Variants in ANO10 observed in about 807,000 individuals in gnomAD.
The protein encoded by ANO10 is anoctamin 10.
ANO10 carries 77 observed loss-of-function variants against 74.7 expected under a neutral mutation model. That is an observed-to-expected ratio of 1.03 (90% CI 0.86 to 1.25). The LOEUF (loss-of-function observed/expected upper bound fraction) is 1.25. Among genes scored for constraint, ANO10 ranks in the 50% most tolerant of loss-of-function variants. The pLI, the probability that ANO10 is intolerant of heterozygous loss-of-function variation, is 0.00. For missense variants in ANO10, 721 were observed against 778.1 expected (o/e 0.93, Z 0.87); for synonymous variants, 279 against 284.9 (o/e 0.98, Z 0.21).
rs2091419897 is a variant in ANO10, at chr3:43,366,643, T to C, written c.*263A>G. The C allele has an allele frequency of 3.6e-6, 2 of 553,854 alleles. No homozygotes were observed. The highest frequency in any genetic ancestry group is 6.3e-5 in the East Asian group (2 of 31,656). 34.3% of individuals were successfully genotyped at this position (553,854 alleles called of 1,614,324 possible). A position where few individuals can be genotyped will look rare whatever the true frequency, so the allele number is the denominator to read the frequency against. On this transcript the variant is annotated 3_prime_UTR_variant, in exon 13 of 13. Coordinates refer to ENST00000292246, the MANE Select transcript of ANO10 (RefSeq NM_018075.5). ...GGCGGCAGTGGCTCTGCAGCAAAGTTGGCAGCTGGAGCAGCGTGTGGGGCC... is the reference window on the plus strand; with the variant it reads ...GGCGGCAGTGGCTCTGCAGCAAAGTCGGCAGCTGGAGCAGCGTGTGGGGCC...
At chr3:43,487,168 T>G (rs2076527008) in intron 11 of ANO10, among the ~76,000 whole-genome samples, 1 of 150,696 alleles carries the variant, frequency 6.6e-6, no homozygotes, top group Non-Finnish European at 1.5e-5. Flanking sequence ...TTGATCACGG[T>G]GGATAAGCTT....
At chr3:43,691,012 A>G in intron 1 of ANO10, 2 of 1,563,602 alleles carry the variant, frequency 1.3e-6, no homozygotes, top group South Asian at 1.2e-5. Flanking sequence ...GAGGAGGAGG[A>G]GGTGGACTCT....
chr3:43,444,758 G>C (rs903141704), intron 11 of ANO10, among the ~76,000 whole-genome samples: 1 of 152,122 alleles, frequency 6.6e-6, no homozygotes, highest in Admixed American at 6.5e-5. Context: ...GGACGGCAGG[G>C]TGCAGGACAC....
chr3:43,541,066 A>G (rs548182964), intron 11 of ANO10, among the ~76,000 whole-genome samples: 1 of 152,334 alleles, frequency 6.6e-6, no homozygotes, highest in African/African-American at 2.4e-5. Flanking sequence ...AAAAAAACCC[A>G]GTTCCATAAT....
upstream of ANO10, among the ~76,000 whole-genome samples, chr3:43,626,675 A>G (rs2083495709): frequency 6.6e-6 from 1 of 152,166 alleles, no homozygotes; most frequent in Non-Finnish European, 1.5e-5. Context: ...ATCCAACTTT[A>G]TATCTTGATA....
At chr3:43,381,911 AGAAACCCTT>A (rs1429987001) in intron 12 of ANO10, among the ~76,000 whole-genome samples, 1 of 152,238 alleles carries the variant, frequency 6.6e-6, no homozygotes, top group South Asian at 2.1e-4. Context: ...CAACTCCAAA[AGAAACCCTT>A]GAAACCCTGC....
At chr3:43,573,085 C>T (rs563919901) in intron 7 of ANO10, among the ~76,000 whole-genome samples, 2 of 151,694 alleles carry the variant, frequency 1.3e-5, no homozygotes, top group Admixed American at 1.3e-4. Context: ...TTCTTTAAGA[C>T]AAACAATGTT....
At chr3:43,395,860 G>A (rs1238824208) in intron 12 of ANO10, among the ~76,000 whole-genome samples, 2 of 151,894 alleles carry the variant, frequency 1.3e-5, no homozygotes, top group African/African-American at 4.8e-5. Flanking sequence ...AAGGCTGGAC[G>A]TAAATATTTG....
chr3:43,598,368 G>T (rs1263751904), intron 4 of ANO10, among the ~76,000 whole-genome samples, 164 bp downstream of exon 4: 1 of 152,080 alleles, frequency 6.6e-6, no homozygotes, highest in Non-Finnish European at 1.5e-5. Context: ...CAAACATATT[G>T]ATTTAAAGAT....
chr3:43,468,815 A>G (rs1188127124), intron 11 of ANO10, among the ~76,000 whole-genome samples: 1 of 149,778 alleles, frequency 6.7e-6, no homozygotes, highest in Non-Finnish European at 1.5e-5. Context: ...GGTTCAAGTG[A>G]TTCTCCTGCC....
intron 1 of ANO10, among the ~76,000 whole-genome samples, chr3:43,608,498 C>T (rs904725886): frequency 6.6e-6 from 1 of 152,080 alleles, no homozygotes; most frequent in Non-Finnish European, 1.5e-5. Flanking sequence ...CTCTTGGGCT[C>T]GAGTGATCCT....
rs567649618 is a variant in ANO10, at chr3:43,659,131, C to A, written c.-12+32386G>T. 1.5e-4 allele frequency among the ~76,000 whole-genome samples: 23 copies of A among 152,116 alleles called. 1 individual carries two copies. Among genetic ancestry groups the A allele is most frequent in the Non-Finnish European group, 3.1e-4 (21 of 68,030 alleles). ...TACAGCTCTGGTCTACAGCTCCCAG[C>A]GAGATGGGATGCAAAAGACAGGTGA... On this transcript the variant is annotated intron_variant, in intron 1 of 3. Transcript: ENST00000413397.
intron 11 of ANO10, among the ~76,000 whole-genome samples, chr3:43,543,882 T>C (rs1201066601): frequency 2.0e-5 from 3 of 152,224 alleles, no homozygotes; most frequent in African/African-American, 7.2e-5. Context: ...AGTTAACTCG[T>C]CTTCACCTTA....
intron 1 of ANO10, among the ~76,000 whole-genome samples, chr3:43,681,935 T>C (rs1470184570): frequency 6.6e-6 from 1 of 152,194 alleles, no homozygotes; most frequent in Non-Finnish European, 1.5e-5. Context: ...AAGCAGTGTG[T>C]AGAGGGAAAT....
At chr3:43,452,067 A>T (rs762652141) in intron 11 of ANO10, among the ~76,000 whole-genome samples, 1 of 152,208 alleles carries the variant, frequency 6.6e-6, no homozygotes, top group East Asian at 1.9e-4. Flanking sequence ...CCATAGAACA[A>T]TTCTAACTTA....
intron 11 of ANO10, among the ~76,000 whole-genome samples, chr3:43,534,844 A>G (rs1394389578): frequency 3.3e-5 from 5 of 152,210 alleles, no homozygotes; most frequent in Non-Finnish European, 1.5e-5. Flanking sequence ...AGTGCTGCAA[A>G]CCAGTACAGG....
intron 7 of ANO10, among the ~76,000 whole-genome samples, chr3:43,567,791 C>A: frequency 6.6e-6 from 1 of 151,568 alleles, no homozygotes. Context: ...AGCAAACTAA[C>A]CAGCTAACAT....
chr3:43,452,236 T>C (rs2074911168), intron 11 of ANO10, among the ~76,000 whole-genome samples: 1 of 152,216 alleles, frequency 6.6e-6, no homozygotes, highest in South Asian at 2.1e-4. Context: ...TATAATTCAA[T>C]ACCTTCTAGT....
At chr3:43,389,304 G>A (rs552481538) in intron 12 of ANO10, among the ~76,000 whole-genome samples, 47 of 152,310 alleles carry the variant, frequency 3.1e-4, no homozygotes, top group African/African-American at 1.0e-3. Flanking sequence ...TAAGCTGTTT[G>A]CTAACAGGAA....
Sources: gnomAD v4.1 joint callset for allele counts (sites outside exome capture counted in the v4.1 genomes callset) on GRCh38, gnomAD v4.1.1 for gene constraint, MANE v1.5 for transcripts, NCBI Gene and HGNC (gene_info 2026-07-23, HGNC 2026-07-21) for gene names.